CNTN6: variants seen among roughly 807,000 people sequenced by gnomAD.
The protein encoded by CNTN6 is contactin 6, also known as contactin-6.
In CNTN6, 137 loss-of-function variants were observed where a neutral mutation model predicts 122.8. That is an observed-to-expected ratio of 1.12 (90% CI 0.97 to 1.29). The LOEUF (loss-of-function observed/expected upper bound fraction) is 1.29. Ranked by LOEUF, CNTN6 falls within the 50% of genes most tolerant of loss-of-function variation. The pLI is 0.00. For missense variants in CNTN6, 1,634 were observed against 1,223.4 expected (o/e 1.34, Z -5.01); for synonymous variants, 570 against 426.0 (o/e 1.34, Z -4.16).
At chr3:1,289,506 C>T (rs1694916519) in intron 5 of CNTN6, among the ~76,000 whole-genome samples, 1 of 152,046 alleles carries the variant, frequency 6.6e-6, no homozygotes, top group Non-Finnish European at 1.5e-5. Flanking sequence ...CCATCCCAGA[C>T]GTTTTATGAA....
chr3:1,282,626 C>T (rs148117360), intron 5 of CNTN6, among the ~76,000 whole-genome samples: 20 of 152,254 alleles, frequency 1.3e-4, no homozygotes, highest in African/African-American at 4.3e-4. Context: ...GTAGGTTTCA[C>T]GAAGTTTTGT....
intron 11 of CNTN6, among the ~76,000 whole-genome samples, chr3:1,336,809 G>C (rs1436633353): frequency 6.6e-6 from 1 of 152,126 alleles, no homozygotes. Flanking sequence ...ACTTCCACCT[G>C]CCTGGCTCCG....
chr3:1,295,864 A>G, intron 6 of CNTN6, 60 bp downstream of exon 6: 3 of 1,471,200 alleles, frequency 2.0e-6, no homozygotes, highest in Non-Finnish European at 2.8e-6. Context: ...GCCTGGGAAG[A>G]TTCGTAAAGC....
At chr3:1,300,848 C>G (rs1697261081) in intron 7 of CNTN6, among the ~76,000 whole-genome samples, 1 of 151,742 alleles carries the variant, frequency 6.6e-6, no homozygotes, top group Non-Finnish European at 1.5e-5. Flanking sequence ...TATATTTAAC[C>G]AGATACATGG....
chr3:1,360,881 C>A (rs777659879), intron 12 of CNTN6, among the ~76,000 whole-genome samples: 20 of 152,058 alleles, frequency 1.3e-4, no homozygotes, highest in Non-Finnish European at 1.9e-4. Flanking sequence ...TGACAGTCTG[C>A]ACTGACAGTT....
At chr3:1,251,862 T>G (rs927543352) in intron 4 of CNTN6, among the ~76,000 whole-genome samples, 1 of 152,168 alleles carries the variant, frequency 6.6e-6, no homozygotes, top group Non-Finnish European at 1.5e-5. Context: ...ATAAACTGCT[T>G]GATACTTAGT....
At chr3:1,364,556 A>G (rs1356831356) in intron 12 of CNTN6, among the ~76,000 whole-genome samples, 10 of 151,938 alleles carry the variant, frequency 6.6e-5, no homozygotes, top group Admixed American at 6.6e-4. Context: ...GTCAGGAAAG[A>G]TGAATTATAC....
At chr3:1,175,509 C>T (rs896414328) in intron 2 of CNTN6, among the ~76,000 whole-genome samples, 11 of 152,144 alleles carry the variant, frequency 7.2e-5, no homozygotes, top group African/African-American at 2.7e-4. Context: ...GCAGATGAGG[C>T]AGCAGGGAGA....
intron 2 of CNTN6, among the ~76,000 whole-genome samples, chr3:1,194,738 A>G (rs1187053552): frequency 6.6e-6 from 1 of 152,052 alleles, no homozygotes; most frequent in African/African-American, 2.4e-5. Context: ...ATTTTCTTTC[A>G]TTTCTCCCAA....
At chr3:1,246,821 C>T (rs2094588831) in intron 4 of CNTN6, among the ~76,000 whole-genome samples, 1 of 152,022 alleles carries the variant, frequency 6.6e-6, no homozygotes, top group African/African-American at 2.4e-5. Context: ...TTGGAAACCT[C>T]CCTCCCTCCC....
At chr3:1,256,505 A>G (rs1055145836) in intron 4 of CNTN6, among the ~76,000 whole-genome samples, 4 of 152,182 alleles carry the variant, frequency 2.6e-5, no homozygotes, top group Non-Finnish European at 2.9e-5. Flanking sequence ...TTAAGAGTTC[A>G]ATTTCAGAGA....
chr3:1,093,299 C>G (rs1483116054), intron 1 of CNTN6, among the ~76,000 whole-genome samples, 179 bp downstream of exon 1: 2 of 152,226 alleles, frequency 1.3e-5, no homozygotes, highest in East Asian at 3.9e-4. Context: ...GTTTAAAATG[C>G]ATTTATTCCT....
intron 7 of CNTN6, among the ~76,000 whole-genome samples, chr3:1,298,653 C>A (rs992322900): frequency 2.3e-4 from 35 of 151,980 alleles, no homozygotes; most frequent in African/African-American, 8.5e-4. Context: ...CCTATAAACA[C>A]CAGAAAAAAA....
chr3:1,318,712 G>A (rs1700446658), intron 7 of CNTN6, among the ~76,000 whole-genome samples: 1 of 151,786 alleles, frequency 6.6e-6, no homozygotes, highest in Non-Finnish European at 1.5e-5. Flanking sequence ...ACAACTAGGA[G>A]CACGGGAGCT....
At chr3:1,318,487 A>G (rs544388058) in intron 7 of CNTN6, among the ~76,000 whole-genome samples, 1 of 151,862 alleles carries the variant, frequency 6.6e-6, no homozygotes, top group Non-Finnish European at 1.5e-5. Context: ...ATTCTAATTA[A>G]TTGAATTTTT....
chr3:1,365,401 T>A (rs571969554), intron 12 of CNTN6, among the ~76,000 whole-genome samples: 1 of 152,144 alleles, frequency 6.6e-6, no homozygotes, highest in Admixed American at 6.5e-5. Flanking sequence ...AATAGTCTCA[T>A]AAATATGTAA....
chr3:1,320,434 A>C (rs557114615), intron 7 of CNTN6, among the ~76,000 whole-genome samples: 77 of 151,814 alleles, frequency 5.1e-4, no homozygotes, highest in African/African-American at 1.9e-3. Context: ...AACTTTCTGC[A>C]GTTGTTTACT....
chr3:1,303,964 T>G (rs17212700), intron 7 of CNTN6, among the ~76,000 whole-genome samples: 2 of 152,076 alleles, frequency 1.3e-5, no homozygotes, highest in Admixed American at 6.6e-5. Context: ...CCAGGCCTAT[T>G]TGAGCTCTGA....
At chr3:1,257,600 C>T (rs2094780621) in intron 4 of CNTN6, among the ~76,000 whole-genome samples, 1 of 152,108 alleles carries the variant, frequency 6.6e-6, no homozygotes, top group African/African-American at 2.4e-5. Flanking sequence ...TCAGTGTTGA[C>T]AGAGCCCATT....
Sources: gnomAD v4.1 joint callset for allele counts (sites outside exome capture counted in the v4.1 genomes callset) on GRCh38, gnomAD v4.1.1 for gene constraint, MANE v1.5 for transcripts, NCBI Gene and HGNC (gene_info 2026-07-23, HGNC 2026-07-21) for gene names.